LRRCC1: variants seen among roughly 807,000 people sequenced by gnomAD.
LRRCC1 encodes the protein leucine-rich repeat and coiled-coil domain-containing protein 1.
In LRRCC1, 115 loss-of-function variants were observed where a neutral mutation model predicts 126.0. The observed-to-expected ratio is 0.91, with a 90% CI of 0.78 to 1.07. The LOEUF is 1.07. LRRCC1 is among the 50% of genes least tolerant of loss of function. The pLI, the probability that LRRCC1 is intolerant of heterozygous loss-of-function variation, is 0.00. For missense variants in LRRCC1, 1,172 were observed against 1,175.7 expected, an observed-to-expected ratio of 1.00 and a Z score of 0.05; for synonymous variants, 400 against 393.4, an observed-to-expected ratio of 1.02 and a Z score of -0.20.
At chr8:85,130,384 T>C (rs1202824057) in intron 11 of LRRCC1, among the ~76,000 whole-genome samples, 2 of 151,726 alleles carry the variant, frequency 1.3e-5, no homozygotes, top group Non-Finnish European at 2.9e-5. Flanking sequence ...CCTCATGATC[T>C]GCCCCACTCG....
At chr8:85,111,211 C>G (rs1321408149) in intron 3 of LRRCC1, among the ~76,000 whole-genome samples, 2 of 152,202 alleles carry the variant, frequency 1.3e-5, no homozygotes, top group Middle Eastern at 3.4e-3. Context: ...AACCCCGTCT[C>G]TACTAAAAAT....
chr8:85,112,538 T>A lies in LRRCC1; in HGVS notation c.377-394T>A, dbSNP rs374443821. Among the ~76,000 whole-genome samples, 3 of 152,244 alleles carry A rather than the reference T, an allele frequency of 2.0e-5. No individual in the cohort carries two copies. The South Asian group carries it at 6.2e-4, about 31-fold the overall frequency. ...AATGAATGCTAATGTATTTATTTTA[T>A]ATTCAAACCAGCAAAATTGAAGTGT... On this transcript the variant is annotated intron_variant, in intron 3 of 18. Transcript: ENST00000360375.
rs755909227 is a variant in LRRCC1, at chr8:85,110,101, C to CT, written c.311-3dup. On this transcript the variant is annotated splice_polypyrimidine_tract_variant and intron_variant, in intron 2 of 18. Transcript: ENST00000360375. ...TTTATAAAGGCTTTATTTTATTTTA[C>CT]TTTTTTTTTTTAGGACTTGAAGAAC... The CT allele has an allele frequency of 0.053, 41,083 of 780,238 alleles. No homozygotes were observed. Among genetic ancestry groups the CT allele is most frequent in the South Asian group, 0.064 (2,942 of 45,676 alleles). The allele number at this position is 780,238 out of a possible 1,614,324, so 48.3% of individuals were successfully genotyped here.
rs376968205 is a variant in LRRCC1, at chr8:85,132,965, CTCTTA to C, written c.1968+1010_1968+1014del. Among the ~76,000 whole-genome samples, 111 of 152,274 alleles carry C rather than the reference CTCTTA, an allele frequency of 7.3e-4. 3 individuals carry two copies. Among genetic ancestry groups the C allele is most frequent in the East Asian group, 6.2e-3 (32 of 5,188 alleles). ...TCAGCATACAAACATGCTGTGATTT[CTCTTA>C]TCTTAAGAAAACTCTCTTGATTCCA... On this transcript the variant is annotated intron_variant, in intron 12 of 18. Coordinates refer to ENST00000360375, the MANE Select transcript of LRRCC1 (RefSeq NM_033402.5).
rs756928710 is a variant in LRRCC1, at chr8:85,135,980, T to C, written c.2329+17T>C. On this transcript the variant is annotated intron_variant, in intron 14 of 18. Coordinates refer to ENST00000360375, the MANE Select transcript of LRRCC1 (RefSeq NM_033402.5). Reference sequence around the variant, plus strand: ...CACAACAAGGTAAAATTCTCAGATTTTCAAAGGGAAAATAGCTTATTCTTA... The same window carrying C: ...CACAACAAGGTAAAATTCTCAGATTCTCAAAGGGAAAATAGCTTATTCTTA... The C allele has an allele frequency of 1.9e-6, 3 of 1,539,496 alleles. No individual in the cohort carries two copies. The highest frequency in any genetic ancestry group is 2.6e-6 in the Non-Finnish European group (3 of 1,143,046).
Position 85,123,407 on chromosome 8 carries a change from T to C in LRRCC1, c.931-6T>C, listed in dbSNP as rs1809718755. ...TAACAAATTTTGTTGGCTTTTTAAATTTTAGACTTCTAATTCAATAGATAA... is the reference window on the plus strand; with the variant it reads ...TAACAAATTTTGTTGGCTTTTTAAACTTTAGACTTCTAATTCAATAGATAA... On this transcript the variant is annotated splice_polypyrimidine_tract_variant and splice_region_variant and intron_variant, in intron 6 of 18. Coordinates refer to ENST00000360375, the MANE Select transcript of LRRCC1 (RefSeq NM_033402.5). 1 of 1,568,262 alleles carries C rather than the reference T, an allele frequency of 6.4e-7. No homozygotes were observed. The highest frequency in any genetic ancestry group is 2.3e-5 in the East Asian group (1 of 44,306).
chr8:85,130,442 C>T (rs964097351), intron 11 of LRRCC1, among the ~76,000 whole-genome samples: 1 of 151,802 alleles, frequency 6.6e-6, no homozygotes, highest in African/African-American at 2.4e-5. Context: ...GCGCCTGGCC[C>T]CCACCACCAG....
intron 4 of LRRCC1, among the ~76,000 whole-genome samples, chr8:85,114,788 G>A (rs952565058): frequency 3.0e-4 from 46 of 151,974 alleles, no homozygotes; most frequent in African/African-American, 1.1e-3. Flanking sequence ...TTCCTTCCTA[G>A]AATAAATTTC....
chr8:85,133,069 G>C (rs190390539), intron 12 of LRRCC1, among the ~76,000 whole-genome samples: 14 of 152,288 alleles, frequency 9.2e-5, no homozygotes, highest in Admixed American at 7.8e-4. Context: ...TGCATTTGCT[G>C]TCTTTGATTT....
At chr8:85,130,135 ATTTTTTT>A in intron 11 of LRRCC1, 77 bp downstream of exon 11, 3 of 628,234 alleles carry the variant, frequency 4.8e-6, no homozygotes, top group Non-Finnish European at 6.8e-6. Context: ...CACTACCAGT[ATTTTTTT>A]TTTTTTTTTT....
intron 6 of LRRCC1, among the ~76,000 whole-genome samples, chr8:85,119,180 G>A (rs1809335101): frequency 1.3e-5 from 2 of 150,384 alleles, no homozygotes; most frequent in Admixed American, 6.6e-5. Context: ...TGTCAGTTTG[G>A]GTAAGCTGTA....
Position 85,125,307 on chromosome 8 carries a change from A to G in LRRCC1, c.1272+368A>G, listed in dbSNP as rs537869581. Among the ~76,000 whole-genome samples the G allele has an allele frequency of 2.6e-5, 4 of 152,246 alleles. No individual in the cohort carries two copies. The South Asian group carries it at 8.3e-4, about 32-fold the overall frequency. On this transcript the variant is annotated intron_variant, in intron 8 of 18. Transcript: ENST00000360375. The stretch of plus-strand genomic sequence containing the variant: ...TCAAAGAAGCCTATTTTTACACTCA[A>G]AAAAATGTATATATTTCAAGGTTTT...
chr8:85,119,032 A>G (rs1437126265), intron 6 of LRRCC1, among the ~76,000 whole-genome samples: 2 of 151,794 alleles, frequency 1.3e-5, no homozygotes, highest in African/African-American at 4.8e-5. Flanking sequence ...ACTCTTTTCC[A>G]TATGGATTTT....
chr8:85,121,428 TTTTG>T (rs1809541770), intron 6 of LRRCC1, among the ~76,000 whole-genome samples: 1 of 151,346 alleles, frequency 6.6e-6, no homozygotes, highest in African/African-American at 2.4e-5. Flanking sequence ...TTGTTTTTTG[TTTTG>T]TTTTGTTTTG....
At chr8:85,110,401 A>G (rs1463509248) in intron 3 of LRRCC1, among the ~76,000 whole-genome samples, 1 of 152,242 alleles carries the variant, frequency 6.6e-6, no homozygotes, top group Non-Finnish European at 1.5e-5. Flanking sequence ...AGTAGCAGGA[A>G]AAACTTAATT....
intron 8 of LRRCC1, among the ~76,000 whole-genome samples, chr8:85,125,894 T>A (rs11261476): frequency 0.01 from 1,561 of 152,190 alleles, 21 homozygotes; most frequent in East Asian, 0.06. Context: ...GCTTTAATAT[T>A]GAAAAATAAT....
At position 85,134,885 on chromosome 8, in the gene LRRCC1, A is replaced by G. The variant is rs983248427; in HGVS notation, c.2007A>G (p.Ala669=). 43 of 1,581,734 alleles carry G rather than the reference A, an allele frequency of 2.7e-5. No homozygotes were observed. Among genetic ancestry groups the G allele is most frequent in the Non-Finnish European group, 3.3e-5 (39 of 1,172,450 alleles). ...DGFENVATEL[A]KSKHALIWAQ... Reference sequence around the variant, plus strand: ...TTGAAAATGTTGCAACTGAGTTAGCAAAGAGCAAACATGCTCTTATTTGGG... The same window carrying G: ...TTGAAAATGTTGCAACTGAGTTAGCGAAGAGCAAACATGCTCTTATTTGGG... Residue 669 remains alanine (A), a synonymous_variant, in exon 13 of 19, where the codon GCA becomes GCG. Transcript: ENST00000360375.
At chr8:85,108,687 C>T (rs143478896) in intron 1 of LRRCC1, 2 of 152,268 alleles carry the variant, frequency 1.3e-5, no homozygotes, top group East Asian at 3.9e-4. Context: ...TTAAAGGTTG[C>T]TAGTTTGAAA....
chr8:85,109,608 T>A lies in LRRCC1; in HGVS notation c.118T>A (p.Ser40Thr). ...DKGLQSISEL[S>T]LDSTLHAVNL... ...TTTCTTTTATAGCATATCAGAATTA[T>A]CTTTAGATTCAACTCTTCATGCCGT... The change falls in exon 2 of 19, where the codon TCT becomes ACT. Residue 40 changes from serine (S) to threonine (T), a missense_variant. Ser to Thr is a moderately conservative substitution (Grantham distance 58, BLOSUM62 1). Coordinates refer to ENST00000360375, the MANE Select transcript of LRRCC1 (RefSeq NM_033402.5). 6.3e-7 allele frequency: 1 copy of A among 1,593,290 alleles called. No homozygotes were observed. The highest frequency in any genetic ancestry group is 1.3e-5 in the African/African-American group (1 of 74,574).
Sources: allele counts gnomAD v4.1 joint callset (sites outside exome capture counted in the v4.1 genomes callset), GRCh38; gene constraint gnomAD v4.1.1; transcripts MANE v1.5; gene names NCBI Gene and HGNC (gene_info 2026-07-23, HGNC 2026-07-21).